Variants in PAM observed in about 807,000 individuals in gnomAD.
The protein encoded by PAM is peptidylglycine alpha-amidating monooxygenase.
Under a neutral mutation model 122.1 loss-of-function variants are expected in PAM, and 72 were observed. That is an observed-to-expected ratio of 0.59 (90% CI 0.49 to 0.72). PAM has a LOEUF of 0.72. Ranked by LOEUF, PAM falls within the 30% of genes least tolerant of loss-of-function variation. PAM has a pLI of 0.00. For missense variants in PAM, 1,106 were observed against 1,183.7 expected, an observed-to-expected ratio of 0.93 and a Z score of 0.96; for synonymous variants, 389 against 404.4, an observed-to-expected ratio of 0.96 and a Z score of 0.46.
chr5:102,788,331 CA>C (rs1761116580), intron 1 of PAM, among the ~76,000 whole-genome samples: 1 of 152,086 alleles, frequency 6.6e-6, no homozygotes, highest in African/African-American at 2.4e-5. Flanking sequence ...ATGAAGGTGG[CA>C]GTGAGTTATT....
intron 1 of PAM, among the ~76,000 whole-genome samples, chr5:102,795,034 A>C (rs1047806237): frequency 1.3e-5 from 2 of 151,726 alleles, no homozygotes; most frequent in Non-Finnish European, 2.9e-5. Context: ...TACAAAAAAT[A>C]AAAAAATTAG....
At chr5:102,936,444 A>G (rs2151852297) in intron 7 of PAM, among the ~76,000 whole-genome samples, 1 of 152,288 alleles carries the variant, frequency 6.6e-6, no homozygotes, top group East Asian at 1.9e-4. Flanking sequence ...GACATCCTTA[A>G]TGTGCAAGTT....
chr5:102,830,302 A>G (rs1775050174), intron 1 of PAM, among the ~76,000 whole-genome samples: 1 of 151,966 alleles, frequency 6.6e-6, no homozygotes, highest in Non-Finnish European at 1.5e-5. Context: ...ATTAAGGTGG[A>G]TGGTTTCTAC....
At chr5:102,874,888 A>C (rs1788654594) in intron 3 of PAM, among the ~76,000 whole-genome samples, 1 of 152,164 alleles carries the variant, frequency 6.6e-6, no homozygotes, top group Non-Finnish European at 1.5e-5. Flanking sequence ...CCCACTTTTT[A>C]TATTAAAAGT....
intron 1 of PAM, among the ~76,000 whole-genome samples, chr5:102,839,437 T>C (rs1777967177): frequency 6.6e-6 from 1 of 150,572 alleles, no homozygotes; most frequent in South Asian, 2.1e-4. Flanking sequence ...CTCGGGAGGC[T>C]GAGACACAAG....
chr5:102,968,034 AT>A (rs1764656403), intron 14 of PAM, among the ~76,000 whole-genome samples: 1 of 152,030 alleles, frequency 6.6e-6, no homozygotes, highest in Non-Finnish European at 1.5e-5. Context: ...AAAACTAGTC[AT>A]TTTTTAAGCT....
intron 1 of PAM, among the ~76,000 whole-genome samples, chr5:102,766,288 G>A (rs1753933864): frequency 6.6e-6 from 1 of 152,134 alleles, no homozygotes; most frequent in Non-Finnish European, 1.5e-5. Flanking sequence ...CCATAATGTA[G>A]AATCAGTGGG....
chr5:102,870,998 A>C (rs147865172), intron 3 of PAM, among the ~76,000 whole-genome samples: 2 of 152,342 alleles, frequency 1.3e-5, no homozygotes, highest in East Asian at 3.9e-4. Context: ...CATGTTAACT[A>C]TCCCTTTGGT....
intron 1 of PAM, among the ~76,000 whole-genome samples, chr5:102,834,841 G>A (rs540830392): frequency 1.3e-5 from 2 of 152,060 alleles, no homozygotes; most frequent in African/African-American, 2.4e-5. Flanking sequence ...TGACTGCTGT[G>A]TATTGAGAAC....
intron 3 of PAM, among the ~76,000 whole-genome samples, chr5:102,868,153 G>A (rs1379287162): frequency 6.6e-6 from 1 of 152,220 alleles, no homozygotes; most frequent in Non-Finnish European, 1.5e-5. Context: ...TTAAAAGATA[G>A]TCCTCTCCTT....
intron 12 of PAM, among the ~76,000 whole-genome samples, chr5:102,958,865 C>G (rs1030580619): frequency 6.6e-6 from 1 of 152,100 alleles, no homozygotes; most frequent in Non-Finnish European, 1.5e-5. Flanking sequence ...TATTTCTGTA[C>G]AGCAAATAAC....
chr5:102,870,291 G>A (rs1455295919), intron 3 of PAM, among the ~76,000 whole-genome samples: 2 of 152,130 alleles, frequency 1.3e-5, no homozygotes, highest in Non-Finnish European at 2.9e-5. Context: ...TACATCTTAT[G>A]TGTATCCTTT....
chr5:102,972,474 G>T (rs1193949201), intron 14 of PAM, among the ~76,000 whole-genome samples: 3 of 151,956 alleles, frequency 2.0e-5, no homozygotes. Flanking sequence ...GAGAGATAGG[G>T]TCTCACTCTG....
chr5:102,866,529 G>C (rs959392131), intron 2 of PAM: 1 of 518,158 alleles, frequency 1.9e-6, no homozygotes, highest in African/African-American at 1.9e-5. Context: ...CACTCCCTCT[G>C]GGGGAGGTAT....
intron 1 of PAM, among the ~76,000 whole-genome samples, chr5:102,808,477 C>T (rs1035827464): frequency 1.3e-5 from 2 of 152,148 alleles, no homozygotes; most frequent in African/African-American, 4.8e-5. Context: ...ACGCCTGCTA[C>T]TCTCCCTGGT....
At chr5:102,890,678 A>G (rs1185478138) in intron 3 of PAM, among the ~76,000 whole-genome samples, 1 of 151,844 alleles carries the variant, frequency 6.6e-6, no homozygotes, top group East Asian at 1.9e-4. Flanking sequence ...GTGCATGTGT[A>G]TTTGTAAGCC....
chr5:102,763,902 G>A (rs919665646), intron 1 of PAM, among the ~76,000 whole-genome samples: 4 of 152,162 alleles, frequency 2.6e-5, no homozygotes, highest in South Asian at 2.1e-4. Context: ...GATGTGATTT[G>A]TGTTTTGGTA....
intron 1 of PAM, among the ~76,000 whole-genome samples, chr5:102,790,630 C>A (rs371480436): frequency 6.6e-5 from 10 of 151,970 alleles, no homozygotes; most frequent in East Asian, 5.8e-4. Flanking sequence ...GAAGCGATGC[C>A]TCTCTCTTCA....
chr5:102,977,569 G>C (rs1159088558), intron 15 of PAM, among the ~76,000 whole-genome samples: 1 of 151,716 alleles, frequency 6.6e-6, no homozygotes, highest in African/African-American at 2.4e-5. Flanking sequence ...AGATACACTA[G>C]ACCAGAGGTT....
Sources: gnomAD v4.1 joint callset for allele counts (sites outside exome capture counted in the v4.1 genomes callset) on GRCh38, gnomAD v4.1.1 for gene constraint, MANE v1.5 for transcripts, NCBI Gene and HGNC (gene_info 2026-07-23, HGNC 2026-07-21) for gene names.